Variants in PREX2 observed in about 807,000 individuals in gnomAD.
PREX2 encodes phosphatidylinositol-3,4,5-trisphosphate dependent Rac exchange factor 2.
In PREX2, 107 loss-of-function variants were observed where a neutral mutation model predicts 203.2. The observed-to-expected ratio is 0.53, with a 90% CI of 0.45 to 0.62. PREX2 has a LOEUF of 0.62. Among genes scored for constraint, PREX2 ranks in the 20% least tolerant of loss-of-function variants. PREX2 has a pLI of 0.00. For missense variants in PREX2, 1,777 were observed against 1,955.9 expected (o/e 0.91, Z 1.72); for synonymous variants, 672 against 663.6 (o/e 1.01, Z -0.19).
intron 33 of PREX2, among the ~76,000 whole-genome samples, chr8:68,143,012 C>T (rs972117297): frequency 8.5e-5 from 13 of 152,164 alleles, no homozygotes; most frequent in Non-Finnish European, 1.2e-4. Flanking sequence ...TAGCTCAGTA[C>T]GGTTTTAATT....
At chr8:68,136,054 G>T (rs1376769651) in intron 32 of PREX2, among the ~76,000 whole-genome samples, 1 of 152,130 alleles carries the variant, frequency 6.6e-6, no homozygotes, top group Non-Finnish European at 1.5e-5. Flanking sequence ...GTAGACTAGT[G>T]GTTGCCTACA....
chr8:67,966,026 T>A (rs1368339753), intron 1 of PREX2, among the ~76,000 whole-genome samples: 2 of 152,164 alleles, frequency 1.3e-5, no homozygotes, highest in Non-Finnish European at 2.9e-5. Context: ...TTAAGATTTT[T>A]AAAAAATTTC....
At chr8:68,080,389 A>G (rs187067126) in intron 15 of PREX2, 54 bp from the exon 16 acceptor site, 1 of 1,543,484 alleles carries the variant, frequency 6.5e-7, no homozygotes, top group Admixed American at 1.7e-5. Context: ...GCTATTGAAA[A>G]TGAGTGCGAT....
At chr8:68,113,686 C>G (rs1435031258) in intron 25 of PREX2, among the ~76,000 whole-genome samples, 1 of 152,206 alleles carries the variant, frequency 6.6e-6, no homozygotes, top group African/African-American at 2.4e-5. Flanking sequence ...CCTGACCTGA[C>G]TGCACCACTG....
At chr8:68,169,880 T>A (rs1811840804) in intron 35 of PREX2, among the ~76,000 whole-genome samples, 1 of 152,062 alleles carries the variant, frequency 6.6e-6, no homozygotes. Context: ...CTTGTGAGAA[T>A]GAGAAAGACA....
intron 35 of PREX2, among the ~76,000 whole-genome samples, chr8:68,163,179 A>G (rs1324224796): frequency 6.6e-6 from 1 of 152,232 alleles, no homozygotes; most frequent in Non-Finnish European, 1.5e-5. Flanking sequence ...ACACAAAAAT[A>G]CAGGCAGTCA....
intron 20 of PREX2, among the ~76,000 whole-genome samples, chr8:68,092,390 T>G (rs9298128): frequency 0.46 from 69,306 of 151,946 alleles, 16,262 homozygotes; most frequent in African/African-American, 0.56. Flanking sequence ...CACTTGAGAA[T>G]CGAATACAAA....
At chr8:68,140,832 G>T (rs1482463015) in intron 33 of PREX2, among the ~76,000 whole-genome samples, 2 of 152,002 alleles carry the variant, frequency 1.3e-5, no homozygotes, top group African/African-American at 4.8e-5. Context: ...TTATTACTTT[G>T]CATTCTTCTC....
chr8:67,968,127 G>A (rs560748090), intron 1 of PREX2, among the ~76,000 whole-genome samples: 8 of 151,444 alleles, frequency 5.3e-5, no homozygotes, highest in Admixed American at 1.3e-4. Flanking sequence ...CTGTGGTATT[G>A]TCTCTCTGAT....
chr8:68,203,398 A>AT (rs897020063), intron 37 of PREX2, among the ~76,000 whole-genome samples: 1 of 152,180 alleles, frequency 6.6e-6, no homozygotes, highest in African/African-American at 2.4e-5. Flanking sequence ...CCCATGTTGA[A>AT]TTTTAGATGT....
intron 35 of PREX2, among the ~76,000 whole-genome samples, chr8:68,180,812 G>T (rs151246026): frequency 6.6e-6 from 1 of 152,096 alleles, no homozygotes; most frequent in Non-Finnish European, 1.5e-5. Flanking sequence ...ATGACAGTCC[G>T]CTGAGGAGAG....
chr8:67,961,375 AATTAT>A (rs1421204605), intron 1 of PREX2, among the ~76,000 whole-genome samples: 1 of 152,044 alleles, frequency 6.6e-6, no homozygotes, highest in Non-Finnish European at 1.5e-5. Flanking sequence ...AATTTATTAG[AATTAT>A]ATTATTAGCT....
intron 1 of PREX2, among the ~76,000 whole-genome samples, chr8:67,967,004 C>T (rs971765643): frequency 6.6e-6 from 1 of 152,160 alleles, no homozygotes; most frequent in Non-Finnish European, 1.5e-5. Context: ...ATAAGTGAAG[C>T]AGAGAAGAGG....
chr8:67,959,278 C>T (rs561105159), intron 1 of PREX2, among the ~76,000 whole-genome samples: 2 of 152,064 alleles, frequency 1.3e-5, no homozygotes, highest in Admixed American at 1.3e-4. Context: ...CTGAAGAGGT[C>T]GCTGGATCTG....
chr8:68,163,485 A>G (rs1373683473), intron 35 of PREX2, among the ~76,000 whole-genome samples: 2 of 152,246 alleles, frequency 1.3e-5, no homozygotes, highest in Non-Finnish European at 2.9e-5. Flanking sequence ...ATAGAATTTC[A>G]TAAGGAGGCC....
At chr8:68,033,422 A>C (rs1356051058) in intron 6 of PREX2, among the ~76,000 whole-genome samples, 3 of 152,152 alleles carry the variant, frequency 2.0e-5, no homozygotes, top group Admixed American at 2.0e-4. Context: ...TAAAGCTTTA[A>C]GAAATTTCCC....
At chr8:68,127,645 C>T (rs1222612398) in intron 31 of PREX2, among the ~76,000 whole-genome samples, 1 of 151,350 alleles carries the variant, frequency 6.6e-6, no homozygotes, top group African/African-American at 2.4e-5. Flanking sequence ...CTTGTATTCT[C>T]TTATAAGCAA....
In PREX2 at chr8:68,105,071, T is replaced by G. The variant is rs1382726672; in HGVS notation, c.2716-3038T>G. On this transcript the variant is annotated intron_variant, in intron 23 of 39. Transcript: ENST00000288368. ...GCAGATTGATGTTTACAGGGCCATT[T>G]GCACAATCAGGATGTTCTCATGCAT... The G allele has an allele frequency of 2.4e-6, 3 of 1,242,024 alleles. No homozygotes were observed. In the African/African-American group the frequency reaches 4.6e-5, roughly 19 times the overall value. 76.9% of individuals were successfully genotyped at this position (1,242,024 alleles called of 1,614,324 possible). A position where few individuals can be genotyped will look rare whatever the true frequency, so the allele number is the denominator to read the frequency against.
chr8:68,073,475 A>T (rs1809258327), intron 14 of PREX2, among the ~76,000 whole-genome samples: 1 of 152,082 alleles, frequency 6.6e-6, no homozygotes, highest in African/African-American at 2.4e-5. Context: ...TCAGTTGTTA[A>T]TACTTAATCC....
Sources: allele counts gnomAD v4.1 joint callset (sites outside exome capture counted in the v4.1 genomes callset), GRCh38; gene constraint gnomAD v4.1.1; transcripts MANE v1.5; gene names NCBI Gene and HGNC (gene_info 2026-07-23, HGNC 2026-07-21).